Variants in NALF1 observed in about 807,000 individuals in gnomAD.
NALF1 encodes the protein NALCN channel auxiliary factor 1, also known as family with sequence similarity 155 member A.
In NALF1, 3 loss-of-function variants were observed where a neutral mutation model predicts 48.4. That is an observed-to-expected ratio of 0.06 (90% CI 0.03 to 0.16). NALF1 has a LOEUF of 0.16. Among genes scored for constraint, NALF1 ranks in the 10% least tolerant of loss-of-function variants. NALF1 has a pLI of 1.00. For missense variants in NALF1, 526 were observed against 571.5 expected (o/e 0.92, Z 0.81); for synonymous variants, 262 against 245.7 (o/e 1.07, Z -0.62).
chr13:107,737,492 G>C (rs959988433), intron 1 of NALF1, among the ~76,000 whole-genome samples: 1 of 152,066 alleles, frequency 6.6e-6, no homozygotes, highest in Non-Finnish European at 1.5e-5. Context: ...TAGAATTTAC[G>C]TTACTTTGGA....
intron 1 of NALF1, among the ~76,000 whole-genome samples, chr13:107,764,550 A>G (rs1254157234): frequency 6.6e-6 from 1 of 152,188 alleles, no homozygotes; most frequent in Admixed American, 6.6e-5. Flanking sequence ...TATCCAGGTG[A>G]CACTAAGGTA....
intron 1 of NALF1, among the ~76,000 whole-genome samples, chr13:107,516,277 C>T (rs753808691): frequency 3.9e-5 from 6 of 152,160 alleles, no homozygotes; most frequent in East Asian, 1.9e-4. Context: ...AAAAGCAGAA[C>T]GCAGAATAAA....
At chr13:107,740,263 C>T (rs1725552361) in intron 1 of NALF1, among the ~76,000 whole-genome samples, 1 of 152,086 alleles carries the variant, frequency 6.6e-6, no homozygotes, top group South Asian at 2.1e-4. Context: ...GAAAACTAGG[C>T]ATTTTCCAAT....
At chr13:107,585,321 T>C (rs1878423971) in intron 1 of NALF1, among the ~76,000 whole-genome samples, 1 of 144,274 alleles carries the variant, frequency 6.9e-6, no homozygotes, top group East Asian at 2.0e-4. Context: ...CAAATGCGAG[T>C]AAAGAAAAAA....
At chr13:107,302,458 G>A (rs1221243092) in intron 1 of NALF1, among the ~76,000 whole-genome samples, 1 of 151,896 alleles carries the variant, frequency 6.6e-6, no homozygotes, top group Non-Finnish European at 1.5e-5. Flanking sequence ...TCTCTTCCAT[G>A]TTTGCTTGAA....
chr13:107,470,369 T>C (rs965045275), intron 1 of NALF1, among the ~76,000 whole-genome samples: 1 of 152,184 alleles, frequency 6.6e-6, no homozygotes, highest in Non-Finnish European at 1.5e-5. Context: ...AACATAAGTC[T>C]CATCTATGCA....
intron 1 of NALF1, among the ~76,000 whole-genome samples, chr13:107,564,220 G>A (rs11069693): frequency 0.32 from 49,130 of 152,028 alleles, 8,451 homozygotes; most frequent in East Asian, 0.47. Flanking sequence ...ATATGCAACT[G>A]ATCAATTTCA....
chr13:107,201,621 G>T (rs4238255), intron 2 of NALF1, among the ~76,000 whole-genome samples: 28,812 of 152,062 alleles, frequency 0.19, 3,285 homozygotes, highest in East Asian at 0.5. Flanking sequence ...TCTATGAGAA[G>T]AATTTACTAT....
intron 1 of NALF1, among the ~76,000 whole-genome samples, chr13:107,506,629 G>A (rs1277607389): frequency 6.6e-6 from 1 of 152,060 alleles, no homozygotes; most frequent in African/African-American, 2.4e-5. Flanking sequence ...TGCATAACAT[G>A]ACTAATTATG....
At chr13:107,821,284 C>A (rs1370735655) in intron 1 of NALF1, among the ~76,000 whole-genome samples, 1 of 152,156 alleles carries the variant, frequency 6.6e-6, no homozygotes, top group African/African-American at 2.4e-5. Flanking sequence ...CCAATGTGCT[C>A]AAATGTTTAC....
intron 1 of NALF1, among the ~76,000 whole-genome samples, chr13:107,502,148 T>G (rs1875545647): frequency 6.6e-6 from 1 of 152,122 alleles, no homozygotes; most frequent in African/African-American, 2.4e-5. Flanking sequence ...AATTAATCCT[T>G]TGGAAATTTT....
At chr13:107,475,600 T>G (rs561324906) in intron 1 of NALF1, among the ~76,000 whole-genome samples, 5 of 152,272 alleles carry the variant, frequency 3.3e-5, no homozygotes, top group Non-Finnish European at 7.4e-5. Flanking sequence ...GGAGATTTCT[T>G]GGGGTAATAA....
chr13:107,316,438 G>C (rs1882151698), intron 1 of NALF1, among the ~76,000 whole-genome samples: 1 of 152,170 alleles, frequency 6.6e-6, no homozygotes, highest in East Asian at 1.9e-4. Flanking sequence ...GGGTCAAATG[G>C]TATTTCTCGT....
chr13:107,277,191 CT>C lies in NALF1; in HGVS notation c.916-66437del, dbSNP rs549844169. On this transcript the variant is annotated intron_variant, in intron 1 of 2. Coordinates refer to ENST00000375915, the MANE Select transcript of NALF1 (RefSeq NM_001080396.3). ...TTAATACTTAAAAATTACAGAGTCA[CT>C]TTTTTTCCTTCATAGCTGAGAATTA... 8.6e-4 allele frequency among the ~76,000 whole-genome samples: 131 copies of C among 152,202 alleles called. 2 individuals carry two copies. The South Asian group carries it at 0.026, about 30-fold the overall frequency.
intron 1 of NALF1, among the ~76,000 whole-genome samples, chr13:107,223,760 C>T (rs1467757894): frequency 1.3e-5 from 2 of 152,042 alleles, no homozygotes; most frequent in African/African-American, 4.8e-5. Context: ...TTGTGTGTAT[C>T]TTAGAGAAAA....
chr13:107,625,074 G>C (rs764282960), intron 1 of NALF1, among the ~76,000 whole-genome samples: 2 of 152,096 alleles, frequency 1.3e-5, no homozygotes, highest in Non-Finnish European at 2.9e-5. Flanking sequence ...ATTGGGCTGA[G>C]GAATTGGCAT....
At chr13:107,861,092 T>C (rs1566509521) in intron 1 of NALF1, among the ~76,000 whole-genome samples, 4 of 152,124 alleles carry the variant, frequency 2.6e-5, no homozygotes, top group Admixed American at 1.3e-4. Context: ...TATCTTTCTA[T>C]AAAAATAAAA....
intron 1 of NALF1, among the ~76,000 whole-genome samples, chr13:107,412,648 A>C (rs1022426256): frequency 6.6e-6 from 1 of 152,274 alleles, no homozygotes; most frequent in Admixed American, 6.5e-5. Flanking sequence ...TTTTCATGTC[A>C]CTGTCATATT....
chr13:107,315,263 T>C (rs1882124002), intron 1 of NALF1, among the ~76,000 whole-genome samples: 2 of 152,032 alleles, frequency 1.3e-5, no homozygotes, highest in African/African-American at 4.8e-5. Context: ...TATAAAAATA[T>C]AAAGATGTAC....
Sources: gnomAD v4.1 joint callset for allele counts (sites outside exome capture counted in the v4.1 genomes callset) on GRCh38, gnomAD v4.1.1 for gene constraint, MANE v1.5 for transcripts, NCBI Gene and HGNC (gene_info 2026-07-23, HGNC 2026-07-21) for gene names.